SGIP1: variants seen among roughly 807,000 people sequenced by gnomAD.
SGIP1 encodes the protein SH3GL interacting endocytic adaptor 1, also known as SH3-containing GRB2-like protein 3-interacting protein 1.
Under a neutral mutation model 107.5 loss-of-function variants are expected in SGIP1, and 38 were observed. The ratio of observed to expected loss-of-function variants is 0.35; its 90% confidence interval spans 0.27 to 0.46. The LOEUF (loss-of-function observed/expected upper bound fraction) is 0.46, where lower values mean the gene tolerates loss of function less well. Among genes scored for constraint, SGIP1 ranks in the 20% least tolerant of loss-of-function variants. The pLI is 1.00. For missense variants in SGIP1, 929 were observed against 1,019.5 expected (o/e 0.91, Z 1.21); for synonymous variants, 365 against 366.1 (o/e 1.00, Z 0.03).
rs528530113 is a variant in SGIP1, at chr1:66,539,538, A to C, written c.10+5170A>C. Among the ~76,000 whole-genome samples, 12 of 152,304 alleles carry C rather than the reference A, an allele frequency of 7.9e-5. No homozygotes were observed. The South Asian group carries it at 2.5e-3, about 32-fold the overall frequency. Reference sequence around the variant, plus strand: ...CATGGCATGACTTCCTTGTTTAAGAAAACTTCTATATCTTCCCATTTCTCT... The same window carrying C: ...CATGGCATGACTTCCTTGTTTAAGACAACTTCTATATCTTCCCATTTCTCT... On this transcript the variant is annotated intron_variant, in intron 1 of 24. Transcript: ENST00000371037.
intron 18 of SGIP1, among the ~76,000 whole-genome samples, chr1:66,702,711 A>T (rs1191739159): frequency 6.6e-6 from 1 of 152,204 alleles, no homozygotes; most frequent in East Asian, 1.9e-4. Context: ...AGACTCACTG[A>T]TAATGTAGTT....
At position 66,746,981 on chromosome 1, in the gene SGIP1, G is replaced by A. The variant is rs2094561004; in HGVS notation, c.*3886G>A. ...TTTTGGCTTGGTCACCACTATGCCT[G>A]GAAGATAGTAGGCACTGATAAACAT... is the stretch of plus-strand genomic sequence containing the variant. On this transcript the variant is annotated 3_prime_UTR_variant, in exon 25 of 25. Transcript: ENST00000371037. The A allele has an allele frequency of 1.3e-5, 2 of 152,126 alleles. No homozygotes were observed. Among genetic ancestry groups the A allele is most frequent in the Admixed American group, 1.3e-4 (2 of 15,288 alleles). 9.4% of individuals were successfully genotyped at this position (152,126 alleles called of 1,614,324 possible).
chr1:66,617,154 T>C (rs1053357726), intron 1 of SGIP1, among the ~76,000 whole-genome samples: 4 of 152,222 alleles, frequency 2.6e-5, no homozygotes, highest in African/African-American at 4.8e-5. Flanking sequence ...TTGGTTAGAA[T>C]TGCAAATATG....
intron 1 of SGIP1, among the ~76,000 whole-genome samples, chr1:66,596,461 A>G (rs183202527): frequency 6.6e-6 from 1 of 152,128 alleles, no homozygotes; most frequent in African/African-American, 2.4e-5. Flanking sequence ...CAAAGACATC[A>G]CTCAGATGTG....
rs1454733942 is a variant in SGIP1 at position 66,642,873 on chromosome 1, T to C, written c.283+9T>C. The C allele has an allele frequency of 1.9e-6, 3 of 1,606,146 alleles. No homozygotes were observed. The highest frequency in any genetic ancestry group is 2.6e-6 in the Non-Finnish European group (3 of 1,175,900). On this transcript the variant is annotated intron_variant, in intron 6 of 24. Transcript: ENST00000371037. The stretch of plus-strand genomic sequence containing the variant: ...ACCCGAGGAACCCGGCTATATCCTT[T>C]CTTTATTTTTTTATTTTAATTTTCA...
chr1:66,661,869 C>T (rs1306364021), intron 8 of SGIP1, among the ~76,000 whole-genome samples: 1 of 152,042 alleles, frequency 6.6e-6, no homozygotes, highest in African/African-American at 2.4e-5. Context: ...GAATATCCCC[C>T]CCATCATTCC....
intron 1 of SGIP1, among the ~76,000 whole-genome samples, chr1:66,555,945 A>G (rs982166731): frequency 6.6e-6 from 1 of 152,154 alleles, no homozygotes; most frequent in African/African-American, 2.4e-5. Context: ...AAGCTAGAAC[A>G]TGGTTAAGCC....
chr1:66,663,287 C>T (rs547309118), intron 8 of SGIP1, among the ~76,000 whole-genome samples: 1 of 152,194 alleles, frequency 6.6e-6, no homozygotes, highest in South Asian at 2.1e-4. Flanking sequence ...GATCTCTCAG[C>T]TTATAGAATA....
Position 66,745,106 on chromosome 1 carries a change from T to C in SGIP1, c.*2011T>C, listed in dbSNP as rs552522680. ...TATTACTGGTTCTCATGTCTTTGTA[T>C]TTATATTTTATTTTGTTTTATTTTG... is the stretch of plus-strand genomic sequence containing the variant. On this transcript the variant is annotated 3_prime_UTR_variant, in exon 25 of 25. Transcript: ENST00000371037. 8.5e-5 allele frequency: 13 copies of C among 152,358 alleles called. No individual in the cohort carries two copies. The South Asian group carries it at 2.7e-3, about 32-fold the overall frequency. The allele number at this position is 152,358 out of a possible 1,614,324, so 9.4% of individuals were successfully genotyped here.
At position 66,534,263 on chromosome 1, in the gene SGIP1, A is replaced by G. The variant is rs2053041941; in HGVS notation, c.-96A>G. The G allele has an allele frequency of 7.5e-7, 1 of 1,328,062 alleles. No individual in the cohort carries two copies. The highest frequency in any genetic ancestry group is 1.7e-5 in the Admixed American group (1 of 59,524). 82.3% of individuals were successfully genotyped at this position (1,328,062 alleles called of 1,614,324 possible). A position where few individuals can be genotyped will look rare whatever the true frequency, so the allele number is the denominator to read the frequency against. ...TTTGACAGCGGACGGAATAGACCTCAGCAGCGGCGTGGTGAGGACTTAGCT... is the reference window on the plus strand; with the variant it reads ...TTTGACAGCGGACGGAATAGACCTCGGCAGCGGCGTGGTGAGGACTTAGCT... On this transcript the variant is annotated 5_prime_UTR_variant, in exon 1 of 25. Transcript: ENST00000371037.
In SGIP1 at chr1:66,581,406, C is replaced by T. The variant is rs151192808; in HGVS notation, c.11-44441C>T. On this transcript the variant is annotated intron_variant, in intron 1 of 24. Coordinates refer to ENST00000371037, the MANE Select transcript of SGIP1 (RefSeq NM_032291.4). ...GTATTTATGATGTAACCATAAAACC[C>T]ATAGAATAGTGCCTTATAAATAGTA... 3.2e-3 allele frequency among the ~76,000 whole-genome samples: 482 copies of T among 152,050 alleles called. 2 individuals are homozygous for T. The highest frequency in any genetic ancestry group is 0.011 in the African/African-American group (457 of 41,504).
chr1:66,712,817 A>G (rs2093003362), intron 18 of SGIP1, among the ~76,000 whole-genome samples: 1 of 152,126 alleles, frequency 6.6e-6, no homozygotes, highest in Admixed American at 6.6e-5. Flanking sequence ...TTGCTTGGTA[A>G]TGAGAGTCAC....
intron 1 of SGIP1, among the ~76,000 whole-genome samples, chr1:66,618,250 C>G (rs1243585034): frequency 6.6e-6 from 1 of 152,222 alleles, no homozygotes; most frequent in Admixed American, 6.5e-5. Flanking sequence ...TCCCTGCTCT[C>G]TGGCCGAAGG....
chr1:66,689,047 C>CAAAA, intron 15 of SGIP1, 101 bp from the exon 16 acceptor site: 1 of 1,214,974 alleles, frequency 8.2e-7, no homozygotes, highest in Non-Finnish European at 1.1e-6. Context: ...ACTGCCAAGG[C>CAAAA]AAAAAAAAAA....
chr1:66,574,455 C>T (rs78576240), intron 1 of SGIP1, among the ~76,000 whole-genome samples: 2,663 of 152,180 alleles, frequency 0.017, 71 homozygotes, highest in African/African-American at 0.06. Context: ...TTATTCATCA[C>T]CTAGTATAAT....
intron 4 of SGIP1, among the ~76,000 whole-genome samples, chr1:66,639,174 CT>C (rs1284112406): frequency 5.9e-5 from 9 of 152,118 alleles, no homozygotes; most frequent in African/African-American, 2.2e-4. Context: ...ACCATTAATC[CT>C]CAAATTCTAT....
chr1:66,584,781 A>G (rs2062349351), intron 1 of SGIP1, among the ~76,000 whole-genome samples: 1 of 152,150 alleles, frequency 6.6e-6, no homozygotes, highest in Admixed American at 6.5e-5. Context: ...CCTGTAGCCA[A>G]ATTTCTGTGC....
chr1:66,627,249 C>T (rs192955570), intron 2 of SGIP1, among the ~76,000 whole-genome samples: 1 of 151,960 alleles, frequency 6.6e-6, no homozygotes, highest in Non-Finnish European at 1.5e-5. Flanking sequence ...ATCAGTGATG[C>T]TTCGGGGTGG....
Position 66,589,206 on chromosome 1 carries a change from A to ATGTGTGTGTGTG in SGIP1, c.11-36640_11-36639insGTGTGTGTGTGT, listed in dbSNP as rs1414306276. ...TATATATATATATATATATATATAT[A>ATGTGTGTGTGTG]TATATATATATGTAAGGCTTGGGGT... On this transcript the variant is annotated intron_variant, in intron 1 of 24. Coordinates refer to ENST00000371037, the MANE Select transcript of SGIP1 (RefSeq NM_032291.4). Among the ~76,000 whole-genome samples, 194 of 63,302 alleles carry ATGTGTGTGTGTG rather than the reference A, an allele frequency of 3.1e-3. 7 individuals are homozygous for ATGTGTGTGTGTG. The East Asian group carries it at 0.033, about 11-fold the overall frequency. 41.5% of individuals were successfully genotyped at this position (63,302 alleles called of 152,430 possible).
Sources: allele counts gnomAD v4.1 joint callset (sites outside exome capture counted in the v4.1 genomes callset), GRCh38; gene constraint gnomAD v4.1.1; transcripts MANE v1.5; gene names NCBI Gene and HGNC (gene_info 2026-07-23, HGNC 2026-07-21).